Variants in RABGEF1 observed in about 807,000 individuals in gnomAD.
RABGEF1 encodes the protein RAB guanine nucleotide exchange factor 1.
In RABGEF1, 26 loss-of-function variants were observed where a neutral mutation model predicts 57.3. The observed-to-expected ratio is 0.45, with a 90% confidence interval of 0.33 to 0.63. The LOEUF (loss-of-function observed/expected upper bound fraction) is 0.63, where lower values mean the gene tolerates loss of function less well. RABGEF1 is among the 20% of genes least tolerant of loss of function. The pLI is 0.02. For missense variants in RABGEF1, 464 were observed against 607.6 expected (o/e 0.76, Z 2.48); for synonymous variants, 185 against 210.7 (o/e 0.88, Z 1.06).
intron 7 of RABGEF1, among the ~76,000 whole-genome samples, chr7:66,804,566 T>A (rs1788005543): frequency 6.6e-6 from 1 of 151,774 alleles, no homozygotes. Context: ...GAAACCCCGT[T>A]TCTACTAAAA....
chr7:66,740,741 C>G lies in RABGEF1; in HGVS notation c.-69C>G, dbSNP rs1030444399. On this transcript the variant is annotated 5_prime_UTR_variant, in exon 1 of 9. Transcript: ENST00000284957. ...AGCTGGCCGCGGAGCCCAGACCTAC[C>G]CGGGCGAAGCGGGCGAGCGGTGGTT... is the stretch of plus-strand genomic sequence containing the variant. 4 of 152,706 alleles carry G rather than the reference C, an allele frequency of 2.6e-5. No individual in the cohort carries two copies. The highest frequency in any genetic ancestry group is 2.9e-5 in the Non-Finnish European group (2 of 68,498). 9.5% of individuals were successfully genotyped at this position (152,706 alleles called of 1,614,324 possible).
At chr7:66,678,094 G>C (rs1789416315), upstream of RABGEF1, among the ~76,000 whole-genome samples, 3 of 151,766 alleles carry the variant, frequency 2.0e-5, no homozygotes, top group South Asian at 6.2e-4. Flanking sequence ...GAAAATCCAT[G>C]CTACTAAGCA....
intron 1 of RABGEF1, among the ~76,000 whole-genome samples, chr7:66,759,945 A>G (rs776805837): frequency 2.0e-5 from 3 of 152,218 alleles, no homozygotes; most frequent in African/African-American, 7.2e-5. Context: ...GGTGTTTACC[A>G]TAAATCATAC....
At chr7:66,737,202 T>C (rs187083863), upstream of RABGEF1, among the ~76,000 whole-genome samples, 2 of 152,184 alleles carry the variant, frequency 1.3e-5, no homozygotes, top group Admixed American at 1.3e-4. Context: ...AATGCTGGTA[T>C]TACAGTATTT....
At chr7:66,700,169 C>G (rs562668144) in intron 1 of RABGEF1, among the ~76,000 whole-genome samples, 3 of 152,220 alleles carry the variant, frequency 2.0e-5, no homozygotes, top group East Asian at 3.9e-4. Flanking sequence ...CATTCCAGCC[C>G]TGGTTCATTC....
At chr7:66,712,942 A>G (rs4717314) in intron 2 of RABGEF1, among the ~76,000 whole-genome samples, 5,968 of 150,920 alleles carry the variant, frequency 0.04, 164 homozygotes, top group East Asian at 0.086. Context: ...AGCCTCCCAA[A>G]TAGCTGGGAC....
chr7:66,702,946 A>T (rs1219547080), intron 1 of RABGEF1, among the ~76,000 whole-genome samples: 4 of 151,920 alleles, frequency 2.6e-5, no homozygotes, highest in Admixed American at 2.0e-4. Flanking sequence ...CTTTTTTGAT[A>T]GTGTCTTTTA....
chr7:66,733,087 G>A (rs768605306), intron 2 of RABGEF1, among the ~76,000 whole-genome samples: 13 of 152,176 alleles, frequency 8.5e-5, no homozygotes, highest in Non-Finnish European at 1.5e-4. Context: ...TGGCCCCTAA[G>A]GCATTGGTGC....
chr7:66,698,285 C>G (rs975148412), intron 1 of RABGEF1, among the ~76,000 whole-genome samples: 1 of 152,208 alleles, frequency 6.6e-6, no homozygotes, highest in Non-Finnish European at 1.5e-5. Flanking sequence ...CCCCTTAGAC[C>G]ATGGTTCCCA....
At chr7:66,806,626 A>G (rs1788496334) in intron 8 of RABGEF1, among the ~76,000 whole-genome samples, 1 of 149,686 alleles carries the variant, frequency 6.7e-6, no homozygotes. Flanking sequence ...TGAGATTAGA[A>G]GTACTCATAT....
intron 1 of RABGEF1, among the ~76,000 whole-genome samples, chr7:66,705,935 G>A (rs1455165314): frequency 3.5e-5 from 4 of 113,484 alleles, no homozygotes; most frequent in Admixed American, 1.3e-4. Context: ...TCGCTTTGTC[G>A]CCCAGGCCGG....
At chr7:66,655,896 G>A in the RABGEF1 span, among the ~76,000 whole-genome samples, 2 of 152,186 alleles carry the variant, frequency 1.3e-5, no homozygotes, top group African/African-American at 4.8e-5. Flanking sequence ...TGAGGAGAAG[G>A]GACAGTCAAG....
intron 1 of RABGEF1, among the ~76,000 whole-genome samples, chr7:66,686,849 T>G (rs1790716721): frequency 6.6e-6 from 1 of 150,624 alleles, no homozygotes; most frequent in Non-Finnish European, 1.5e-5. Flanking sequence ...TGAGATGGAG[T>G]CTTCCCCTGT....
chr7:66,704,143 G>A (rs993751156), intron 1 of RABGEF1, among the ~76,000 whole-genome samples: 3 of 152,186 alleles, frequency 2.0e-5, no homozygotes, highest in African/African-American at 7.2e-5. Flanking sequence ...TCTGGCACTA[G>A]CAAGCCACAC....
intron 2 of RABGEF1, among the ~76,000 whole-genome samples, chr7:66,719,545 T>C (rs1408958285): frequency 6.6e-6 from 1 of 152,172 alleles, no homozygotes; most frequent in Non-Finnish European, 1.5e-5. Context: ...CAGATCCAGA[T>C]GGCTTGACTG....
At chr7:66,654,885 G>A in the RABGEF1 span, among the ~76,000 whole-genome samples, 1 of 152,258 alleles carries the variant, frequency 6.6e-6, no homozygotes, top group African/African-American at 2.4e-5. Flanking sequence ...CTCGTTGCCG[G>A]CATCTCCAGC....
chr7:66,698,755 TG>T (rs1490993677), intron 1 of RABGEF1, among the ~76,000 whole-genome samples: 1 of 151,968 alleles, frequency 6.6e-6, no homozygotes, highest in Non-Finnish European at 1.5e-5. Flanking sequence ...TCAGTGTGGG[TG>T]GGTCTGACTC....
At chr7:66,727,942 C>G (rs1207452117) in intron 2 of RABGEF1, among the ~76,000 whole-genome samples, 1 of 152,198 alleles carries the variant, frequency 6.6e-6, no homozygotes, top group Non-Finnish European at 1.5e-5. Context: ...CCCAAACACC[C>G]TTGCCTCAGG....
chr7:66,738,142 T>A (rs982015517), upstream of RABGEF1, among the ~76,000 whole-genome samples: 4 of 151,108 alleles, frequency 2.6e-5, no homozygotes, highest in Non-Finnish European at 5.9e-5. Context: ...CACCTCGGCC[T>A]CCAGAGTAGC....
Sources: gnomAD v4.1 joint callset for allele counts (sites outside exome capture counted in the v4.1 genomes callset) on GRCh38, gnomAD v4.1.1 for gene constraint, MANE v1.5 for transcripts, NCBI Gene and HGNC (gene_info 2026-07-23, HGNC 2026-07-21) for gene names.